The following ARSF variants were observed in gnomAD, a reference collection of about 807,000 sequenced individuals.
The protein encoded by ARSF is arylsulfatase F.
A neutral mutation model predicts 35.4 loss-of-function variants in ARSF; 33 were observed. That is an observed-to-expected ratio of 0.93 (90% CI 0.71 to 1.25). The LOEUF (loss-of-function observed/expected upper bound fraction) is 1.25. Ranked by LOEUF, ARSF falls within the 50% of genes most tolerant of loss-of-function variation. The pLI is 0.00. For synonymous variants in ARSF, 222 were observed against 193.1 expected (o/e 1.15, Z -1.24); for missense variants, 501 against 480.2 (o/e 1.04, Z -0.40).
chrX:3,104,196 C>A (rs1281256192), intron 9 of ARSF, among the ~76,000 whole-genome samples: 1 of 111,114 alleles, frequency 9.0e-6, no homozygotes, highest in Non-Finnish European at 1.9e-5. Flanking sequence ...TACTTATTTT[C>A]TTTTTTTCCC....
At chrX:3,065,439 T>C (rs1280615015) in intron 1 of ARSF, among the ~76,000 whole-genome samples, 1 of 103,953 alleles carries the variant, frequency 9.6e-6, no homozygotes, top group Non-Finnish European at 1.9e-5. Flanking sequence ...ATAATAAAAA[T>C]AAATAAATAA....
chrX:3,104,784 A>G (rs1362949809), intron 9 of ARSF, among the ~76,000 whole-genome samples: 8 of 112,165 alleles, frequency 7.1e-5, no homozygotes, highest in South Asian at 3.7e-4. Context: ...AACATTTTCA[A>G]TTGAGAGAAA....
intron 2 of ARSF, among the ~76,000 whole-genome samples, chrX:3,070,102 A>G (rs1209465140): frequency 1.8e-5 from 2 of 111,446 alleles, no homozygotes; most frequent in African/African-American, 6.5e-5. Flanking sequence ...TCCTTCTATG[A>G]GATCAACTTT....
Position 3,101,092 on chromosome X carries a change from A to T in ARSF, c.973A>T (p.Ile325Phe). ...TCTCTTGTATATTATTTTAGGCAAG[A>T]TTCTTGATGCTATCGATGATTTTGG... is the stretch of plus-strand genomic sequence containing the variant. ...VEEMDSMVGK[I>F]LDAIDDFGLR... The change falls in exon 8 of 11, where the codon ATT becomes TTT. Residue 325 changes from isoleucine to phenylalanine, a missense_variant. By Grantham distance (21) the Ile-to-Phe change is conservative. Transcript: ENST00000381127. The T allele has an allele frequency of 8.3e-7, 1 of 1,209,400 alleles. No homozygotes were observed. The highest frequency in any genetic ancestry group is 1.1e-6 in the Non-Finnish European group (1 of 894,155).
intron 9 of ARSF, among the ~76,000 whole-genome samples, chrX:3,105,326 A>G (rs1472856357): frequency 1.8e-5 from 2 of 112,322 alleles, no homozygotes; most frequent in Non-Finnish European, 3.8e-5. Flanking sequence ...AGATATCTCT[A>G]TCAACACACT....
At chrX:3,096,707 G>A in intron 7 of ARSF, among the ~76,000 whole-genome samples, 1 of 111,894 alleles carries the variant, frequency 8.9e-6, no homozygotes, top group Non-Finnish European at 1.9e-5. Context: ...TAGCCTTAGA[G>A]CAGGTCTGGG....
chrX:3,044,521 G>A (rs1178031448), intron 1 of ARSF, among the ~76,000 whole-genome samples: 1 of 110,879 alleles, frequency 9.0e-6, no homozygotes, highest in Admixed American at 9.7e-5. Flanking sequence ...TGATGAATGT[G>A]GAGGACTTTA....
intron 2 of ARSF, among the ~76,000 whole-genome samples, chrX:3,069,251 C>G (rs1371238645): frequency 9.0e-6 from 1 of 111,587 alleles, no homozygotes; most frequent in Non-Finnish European, 1.9e-5. Context: ...TTTTCCTTTA[C>G]TTGGTAATTC....
intron 6 of ARSF, among the ~76,000 whole-genome samples, chrX:3,085,838 C>T (rs921692104): frequency 2.7e-5 from 3 of 110,252 alleles, no homozygotes; most frequent in Non-Finnish European, 5.7e-5. Flanking sequence ...TCTGGGAGGC[C>T]GAGGAGGGTG....
At position 3,047,115 on chromosome X, in the gene ARSF, G is replaced by A. The variant is rs776245161; in HGVS notation, c.-29+5452G>A. The stretch of plus-strand genomic sequence containing the variant: ...TTGGTTCATCTTCTAGATTGGTATC[G>A]TCAGCTTCCTGAGTTCCCTTTTCTA... On this transcript the variant is annotated intron_variant, in intron 1 of 10. Coordinates refer to ENST00000381127, the MANE Select transcript of ARSF (RefSeq NM_001201539.2). 1.3e-4 allele frequency among the ~76,000 whole-genome samples: 15 copies of A among 111,298 alleles called. No individual in the cohort carries two copies. In the East Asian group the frequency reaches 3.4e-3, roughly 25 times the overall value.
intron 8 of ARSF, among the ~76,000 whole-genome samples, chrX:3,101,916 T>C (rs1029244505): frequency 7.1e-5 from 8 of 112,066 alleles, no homozygotes; most frequent in Non-Finnish European, 1.5e-4. Flanking sequence ...GATTTTAAAG[T>C]ATTTTCTAGA....
At chrX:3,081,109 T>C (rs1603464599) in intron 5 of ARSF, 96 bp downstream of exon 5, 1 of 1,084,605 alleles carries the variant, frequency 9.2e-7, no homozygotes, top group Admixed American at 2.6e-5. Flanking sequence ...CGCTGTATTT[T>C]ACAATGTCTT....
At chrX:3,068,020 CTTT>C (rs756715933) in intron 1 of ARSF, 50 bp from the exon 2 acceptor site, 4,416 of 736,077 alleles carry the variant, frequency 6.0e-3, no homozygotes, top group African/African-American at 8.1e-3. Context: ...ATGAATGATA[CTTT>C]TTTTTTTTTT....
chrX:3,093,385 G>C (rs1200216627), intron 7 of ARSF, among the ~76,000 whole-genome samples: 2 of 111,594 alleles, frequency 1.8e-5, no homozygotes, highest in Admixed American at 9.5e-5. Flanking sequence ...GCAACCAATA[G>C]ATAGATTTTC....
rs73193041 is a variant in ARSF, at chrX:3,092,555, C to T, written c.967+2923C>T. ...TGACATTCAGATAATATTACGCAAA[C>T]GGATGGGTGTGTTGAATCTGGTTGG... On this transcript the variant is annotated intron_variant, in intron 7 of 10. Transcript: ENST00000381127. 3.4e-3 allele frequency among the ~76,000 whole-genome samples: 375 copies of T among 111,614 alleles called. 1 individual carries two copies. Among genetic ancestry groups the T allele is most frequent in the South Asian group, 0.016 (44 of 2,675 alleles).
rs779252058 is a variant in ARSF at position 3,097,327 on chromosome X, G to A, written c.968-3760G>A. Among the ~76,000 whole-genome samples, 185 of 112,111 alleles carry A rather than the reference G, an allele frequency of 1.7e-3. 2 individuals are homozygous for A. The highest frequency in any genetic ancestry group is 2.6e-3 in the Non-Finnish European group (138 of 53,226). On this transcript the variant is annotated intron_variant, in intron 7 of 10. Transcript: ENST00000381127. The stretch of plus-strand genomic sequence containing the variant: ...TGGATGAGGTATAGTGTTAGTAATA[G>A]CAAAAGGTTATCTGATAAGTAGCAT...
chrX:3,050,501 A>G lies in ARSF; in HGVS notation c.-29+8838A>G, dbSNP rs773397400. 1.4e-4 allele frequency among the ~76,000 whole-genome samples: 15 copies of G among 107,388 alleles called. No individual in the cohort carries two copies. In the East Asian group the frequency reaches 4.1e-3, roughly 30 times the overall value. 93.3% of individuals were successfully genotyped at this position (107,388 alleles called of 115,157 possible). On this transcript the variant is annotated intron_variant, in intron 1 of 10. Coordinates refer to ENST00000381127, the MANE Select transcript of ARSF (RefSeq NM_001201539.2). ...GCAGAGGTTGCAGTGAGCAGAGATC[A>G]TGCCATTGCACTCCAGCCTGGGCAA...
chrX:3,065,435 AAAAT>A (rs769293147), intron 1 of ARSF, among the ~76,000 whole-genome samples: 1,098 of 107,950 alleles, frequency 0.01, 21 homozygotes, highest in African/African-American at 0.035. Context: ...AAGTATAATA[AAAAT>A]AAATAAATAA....
At chrX:3,098,152 A>G (rs1193384549) in intron 7 of ARSF, among the ~76,000 whole-genome samples, 1 of 108,851 alleles carries the variant, frequency 9.2e-6, no homozygotes, top group African/African-American at 3.4e-5. Context: ...TTTAATTGAG[A>G]CAGGGTCTCA....
Sources: allele counts gnomAD v4.1 joint callset (sites outside exome capture counted in the v4.1 genomes callset), GRCh38; gene constraint gnomAD v4.1.1; transcripts MANE v1.5; gene names NCBI Gene and HGNC (gene_info 2026-07-23, HGNC 2026-07-21).